The following TUBGCP5 variants were observed in gnomAD, a reference collection of about 807,000 sequenced individuals.
TUBGCP5 encodes the protein gamma-tubulin complex component 5.
A neutral mutation model predicts 134.7 loss-of-function variants in TUBGCP5; 98 were observed. The ratio of observed to expected loss-of-function variants is 0.73; its 90% CI spans 0.62 to 0.86. TUBGCP5 has a LOEUF of 0.86. Ranked by LOEUF, TUBGCP5 falls within the 40% of genes least tolerant of loss-of-function variation. TUBGCP5 has a pLI of 0.00. For synonymous variants in TUBGCP5, 456 were observed against 431.4 expected (o/e 1.06, Z -0.71); for missense variants, 1,150 against 1,244.8 (o/e 0.92, Z 1.15).
rs912567316 is a variant in TUBGCP5, at chr15:23,024,111, A to G, written c.1004T>C (p.Met335Thr). The G allele has an allele frequency of 1.2e-6, 2 of 1,614,088 alleles. No individual in the cohort carries two copies. Among genetic ancestry groups the G allele is most frequent in the Non-Finnish European group, 1.7e-6 (2 of 1,180,030 alleles). Residue 335 changes from methionine (M) to threonine (T), a missense_variant, in exon 10 of 23, where the codon ATG becomes ACG. Physicochemically the swap from Met to Thr is moderately conservative, Grantham distance 81 (BLOSUM62 -1). Transcript: ENST00000615383. ...FRLQEFIDEV[M>T]GHSSESMLPG... ...CAGCATGCTCTCAGAACTGTGTCCC[A>G]TGACTTCATCAATGAACTCCTGGAG... is the stretch of plus-strand genomic sequence containing the variant.
chr15:22,989,189 A>G (rs2063775810), intron 23 of TUBGCP5, among the ~76,000 whole-genome samples: 1 of 152,182 alleles, frequency 6.6e-6, no homozygotes, highest in Non-Finnish European at 1.5e-5. Flanking sequence ...TCCTCTTGCC[A>G]TGTAAACTAA....
intron 23 of TUBGCP5, among the ~76,000 whole-genome samples, chr15:22,992,516 C>T (rs2063879700): frequency 6.6e-6 from 1 of 152,008 alleles, no homozygotes; most frequent in Non-Finnish European, 1.5e-5. Flanking sequence ...GTGTCACACA[C>T]ACACATGTAT....
In TUBGCP5 at chr15:23,035,103, G is replaced by A. The variant is rs551149232; in HGVS notation, c.309+1794C>T. Among the ~76,000 whole-genome samples the A allele has an allele frequency of 3.3e-5, 5 of 152,084 alleles. No individual in the cohort carries two copies. In the East Asian group the frequency reaches 9.7e-4, roughly 30 times the overall value. ...AGCACTTTGGGAGGCCAAGGCAGGT[G>A]GATTGCTTGAGGTCAAGAGTTCGGG... On this transcript the variant is annotated intron_variant, in intron 3 of 22. Transcript: ENST00000615383.
At position 23,032,755 on chromosome 15, in the gene TUBGCP5, C is replaced by T. The variant is rs1225259622; in HGVS notation, c.379G>A (p.Val127Met). ...LSDSPSNSSY[V>M]ETPRNKEVEK... Reference sequence around the variant, plus strand: ...ACTTCTTTATTTCTTGGTGTCTCCACATAACTGCTGTTTGAAGGAGAGTCT... The same window carrying T: ...ACTTCTTTATTTCTTGGTGTCTCCATATAACTGCTGTTTGAAGGAGAGTCT... Residue 127 changes from valine to methionine, a missense_variant, in exon 4 of 23, where the codon GTG (valine) becomes ATG (methionine). Transcript: ENST00000615383. 6 of 1,590,534 alleles carry T rather than the reference C, an allele frequency of 3.8e-6. No individual in the cohort carries two copies. Among genetic ancestry groups the T allele is most frequent in the Non-Finnish European group, 4.3e-6 (5 of 1,170,528 alleles).
In TUBGCP5 at chr15:23,000,594, G is replaced by T. The variant is rs765233137; in HGVS notation, c.3003C>A (p.Ala1001=). The T allele has an allele frequency of 2.5e-6, 4 of 1,611,430 alleles. No individual in the cohort carries two copies. In the Admixed American group the frequency reaches 6.7e-5, roughly 27 times the overall value. Residue 1001 remains alanine (A), a synonymous_variant, in exon 22 of 23, where the codon GCC becomes GCA. Transcript: ENST00000615383. ...AATGGGGAAAGGATCCTCTACAGACGGCTTTGTTTAAAATGGTTACAAGAA... is the reference window on the plus strand; with the variant it reads ...AATGGGGAAAGGATCCTCTACAGACTGCTTTGTTTAAAATGGTTACAAGAA... ...HMFLVTILNK[A]VCRGSFPHLE... is the part of the protein sequence containing the mutation.
At chr15:23,015,473 C>T (rs1418749294) in intron 13 of TUBGCP5, among the ~76,000 whole-genome samples, 1 of 151,654 alleles carries the variant, frequency 6.6e-6, no homozygotes, top group Non-Finnish European at 1.5e-5. Context: ...AAAACCCGAT[C>T]GCTACTAAAA....
chr15:23,033,707 A>G (rs2066435003), intron 3 of TUBGCP5, among the ~76,000 whole-genome samples: 1 of 152,240 alleles, frequency 6.6e-6, no homozygotes, highest in African/African-American at 2.4e-5. Flanking sequence ...TAATACAAAT[A>G]TACATACGCA....
chr15:23,003,954 G>A, intron 20 of TUBGCP5, 148 bp downstream of exon 20: 2 of 1,046,874 alleles, frequency 1.9e-6, no homozygotes, highest in South Asian at 1.9e-5. Context: ...TGGCCGGCCT[G>A]GGGCATTTGT....
chr15:22,990,343 AC>A (rs1034487315), intron 23 of TUBGCP5, among the ~76,000 whole-genome samples: 19 of 151,990 alleles, frequency 1.3e-4, no homozygotes, highest in African/African-American at 4.6e-4. Flanking sequence ...GAGTAGAGGC[AC>A]CTACGGCTTT....
At chr15:22,984,976 A>G (rs2063637896) in intron 23 of TUBGCP5, among the ~76,000 whole-genome samples, 1 of 152,204 alleles carries the variant, frequency 6.6e-6, no homozygotes, top group Admixed American at 6.5e-5. Flanking sequence ...CAATACATAT[A>G]ACAGACAGAG....
intron 1 of TUBGCP5, among the ~76,000 whole-genome samples, chr15:23,038,755 G>C (rs1199401765): frequency 6.6e-6 from 1 of 152,014 alleles, no homozygotes; most frequent in East Asian, 1.9e-4. Flanking sequence ...AGAAAAATAG[G>C]AGATCTCACT....
chr15:22,988,444 GT>G (rs1289952977), intron 23 of TUBGCP5, among the ~76,000 whole-genome samples: 3 of 151,560 alleles, frequency 2.0e-5, no homozygotes, highest in Non-Finnish European at 2.9e-5. Flanking sequence ...TTAATATCTG[GT>G]TTTTTTGGCC....
In TUBGCP5 at chr15:23,036,797, T is replaced by G. The variant is rs75203744; in HGVS notation, c.309+100A>C. On this transcript the variant is annotated intron_variant, in intron 3 of 22. Coordinates refer to ENST00000615383, the MANE Select transcript of TUBGCP5 (RefSeq NM_052903.6). ...AGAGATCCCGTTAGCCAGTAGATAA[T>G]ACTAAAATAGAATGTTTAAACAGTA... The G allele has an allele frequency of 1.3e-3, 1,088 of 854,834 alleles. 12 individuals carry two copies. In the African/African-American group the frequency reaches 0.017, roughly 13 times the overall value. The allele number at this position is 854,834 out of a possible 1,614,324, so 53.0% of individuals were successfully genotyped here.
At chr15:23,035,655 GT>G (rs2066549394) in intron 3 of TUBGCP5, among the ~76,000 whole-genome samples, 1 of 152,150 alleles carries the variant, frequency 6.6e-6, no homozygotes, top group Non-Finnish European at 1.5e-5. Flanking sequence ...ATGGAGCCCT[GT>G]TCCTAGCAGG....
intron 15 of TUBGCP5, among the ~76,000 whole-genome samples, chr15:23,009,510 C>G (rs1339559718): frequency 6.6e-6 from 1 of 152,080 alleles, no homozygotes; most frequent in East Asian, 1.9e-4. Flanking sequence ...TCTCGTGATC[C>G]TCCCACCTCA....
chr15:23,018,263 C>T (rs2065457986), intron 12 of TUBGCP5, among the ~76,000 whole-genome samples: 1 of 152,054 alleles, frequency 6.6e-6, no homozygotes, highest in African/African-American at 2.4e-5. Context: ...GAAATAGTTT[C>T]CTGAATTGGA....
chr15:22,992,063 G>A (rs73411362), intron 23 of TUBGCP5, among the ~76,000 whole-genome samples: 2 of 152,152 alleles, frequency 1.3e-5, no homozygotes, highest in African/African-American at 4.8e-5. Context: ...GTCATTTACA[G>A]AACAAGAACA....
rs777657286 is a variant in TUBGCP5, at chr15:23,000,679, A to G, written c.2928-10T>C. On this transcript the variant is annotated splice_polypyrimidine_tract_variant and intron_variant, in intron 21 of 22. Coordinates refer to ENST00000615383, the MANE Select transcript of TUBGCP5 (RefSeq NM_052903.6). ...CTCTATAGATTCCATTCTAGGAATAAAAGTAAATTTCAATTAAGTAAGTGC... is the reference window on the plus strand; with the variant it reads ...CTCTATAGATTCCATTCTAGGAATAGAAGTAAATTTCAATTAAGTAAGTGC... The G allele has an allele frequency of 1.9e-6, 3 of 1,585,816 alleles. No individual in the cohort carries two copies. In the African/African-American group the frequency reaches 4.1e-5, roughly 21 times the overall value.
Position 23,039,514 on chromosome 15 carries a change from C to G in TUBGCP5, c.30G>C (p.Arg10=). 1 of 1,502,900 alleles carries G rather than the reference C, an allele frequency of 6.7e-7. No individual in the cohort carries two copies. The highest frequency in any genetic ancestry group is 1.3e-5 in the South Asian group (1 of 79,204). 93.1% of individuals were successfully genotyped at this position (1,502,900 alleles called of 1,614,324 possible). The change falls in exon 1 of 23, where the codon CGG becomes CGC. Residue 10 remains arginine (R), a synonymous_variant. Coordinates refer to ENST00000615383, the MANE Select transcript of TUBGCP5 (RefSeq NM_052903.6). The part of the protein sequence containing the change: MARHGPPWS[R]LDAQQERDVR... ...CGTCGCGCTCCTGCTGCGCGTCCAA[C>G]CGACTCCACGGTGGCCCGTGCCGCG...
Sources: allele counts gnomAD v4.1 joint callset (sites outside exome capture counted in the v4.1 genomes callset), GRCh38; gene constraint gnomAD v4.1.1; transcripts MANE v1.5; gene names NCBI Gene and HGNC (gene_info 2026-07-23, HGNC 2026-07-21).